The following SUGP1 variants were observed in gnomAD, a reference collection of about 807,000 sequenced individuals.
The protein encoded by SUGP1 is SURP and G-patch domain containing 1, also known as SURP and G-patch domain-containing protein 1.
A neutral mutation model predicts 76.5 loss-of-function variants in SUGP1; 34 were observed. That is an observed-to-expected ratio of 0.44 (90% confidence interval 0.34 to 0.59). SUGP1 has a LOEUF of 0.59. Among genes scored for constraint, SUGP1 ranks in the 20% least tolerant of loss-of-function variants. The probability of loss-of-function intolerance (pLI) is 0.01; values close to 1 mark genes in which losing one functional copy is unlikely to be tolerated. For synonymous variants in SUGP1, 326 were observed against 326.2 expected (o/e 1.00, Z 0.01); for missense variants, 752 against 851.7 (o/e 0.88, Z 1.46).
At chr19:19,309,638 C>G (rs1217345639) in intron 3 of SUGP1, among the ~76,000 whole-genome samples, 1 of 151,930 alleles carries the variant, frequency 6.6e-6, no homozygotes, top group Non-Finnish European at 1.5e-5. Context: ...AGGCCGGGCA[C>G]AGTGGCTCAC....
In SUGP1 at chr19:19,279,339, T is replaced by A; in HGVS notation, c.1402A>T (p.Met468Leu). The A allele has an allele frequency of 6.2e-7, 1 of 1,610,782 alleles. No individual in the cohort carries two copies. The highest frequency in any genetic ancestry group is 8.5e-7 in the Non-Finnish European group (1 of 1,179,834). ...IMQHKRAMQD[M>L]QLLWEKAVQQ... ...ACTGCCTTCTCCCACAGCAGCTGCA[T>A]GTCCTGCATGGCCCGCTTGTGCTGC... The change falls in exon 10 of 14, where the codon ATG (methionine) becomes TTG (leucine). Residue 468 changes from methionine to leucine, a missense_variant. By Grantham distance (15) the Met-to-Leu change is conservative. Around this residue, in one of 2 missense-constraint regions of SUGP1, gnomAD observed 620 missense variants for 617.3 expected, o/e 1.00. Transcript: ENST00000247001.
At chr19:19,290,566 C>G (rs957349433) in intron 8 of SUGP1, among the ~76,000 whole-genome samples, 30 of 151,830 alleles carry the variant, frequency 2.0e-4, no homozygotes, top group Non-Finnish European at 3.5e-4. Flanking sequence ...ATCACTTGAA[C>G]CTGGTAGGCA....
chr19:19,290,581 T>C (rs2061173857), intron 8 of SUGP1, among the ~76,000 whole-genome samples: 1 of 151,794 alleles, frequency 6.6e-6, no homozygotes, highest in Non-Finnish European at 1.5e-5. Flanking sequence ...TAGGCAGAGG[T>C]TGCAGTAAGC....
At chr19:19,287,026 G>A (rs28857503) in intron 8 of SUGP1, among the ~76,000 whole-genome samples, 5,402 of 152,228 alleles carry the variant, frequency 0.035, 311 homozygotes, top group African/African-American at 0.12. Flanking sequence ...TGTAATCCCA[G>A]TACTTTGGAA....
At chr19:19,305,594 GT>G (rs1377791918) in intron 4 of SUGP1, 1 of 414,410 alleles carries the variant, frequency 2.4e-6, no homozygotes, top group Admixed American at 4.1e-5. Flanking sequence ...ATGAGCCGCT[GT>G]GTGAGTGGAA....
At chr19:19,276,866 GAGGA>G in intron 13 of SUGP1, 77 bp downstream of exon 13, 2 of 1,584,728 alleles carry the variant, frequency 1.3e-6, no homozygotes, top group South Asian at 1.1e-5. Flanking sequence ...TGGCTGGACT[GAGGA>G]AGGAAGGGAG....
At chr19:19,299,809 A>C (rs1456374582) in intron 7 of SUGP1, among the ~76,000 whole-genome samples, 2 of 148,102 alleles carry the variant, frequency 1.4e-5, no homozygotes, top group African/African-American at 2.5e-5. Flanking sequence ...TTTGTTTTTC[A>C]AGATGGAGTT....
intron 1 of SUGP1, among the ~76,000 whole-genome samples, 190 bp downstream of exon 1, chr19:19,320,273 A>AAG (rs966070008): frequency 5.3e-5 from 8 of 152,222 alleles, no homozygotes; most frequent in African/African-American, 1.9e-4. Context: ...TCAGCAAACC[A>AAG]AGCGGGGGCG....
rs756769705 is a variant in SUGP1, at chr19:19,306,024, A to G, written c.363T>C (p.Ala121=). 2 of 1,611,342 alleles carry G rather than the reference A, an allele frequency of 1.2e-6. No homozygotes were observed. Among genetic ancestry groups the G allele is most frequent in the South Asian group, 2.2e-5 (2 of 90,932 alleles). Residue 121 remains alanine, a synonymous_variant, in exon 4 of 14, where the codon GCT becomes GCC. Coordinates refer to ENST00000247001, the MANE Select transcript of SUGP1 (RefSeq NM_172231.4). ...TGCTGATGAGCAGGGACCTCTTCCC[A>G]GCGCTGGGGGTGGGTGTGCTGGGAG... ...SAPPSTPTPS[A]GKRSLLISRR...
chr19:19,302,580 C>T, intron 6 of SUGP1, 192 bp from the exon 7 acceptor site: 1 of 747,990 alleles, frequency 1.3e-6, no homozygotes. Flanking sequence ...CCACCCCCGA[C>T]CCCCGCCCCG....
In SUGP1 at chr19:19,302,295, A is replaced by G; in HGVS notation, c.857T>C (p.Leu286Pro). The change falls in exon 7 of 14, where the codon CTC (leucine) becomes CCC (proline). Residue 286 changes from leucine to proline, a missense_variant. This residue lies in a region of SUGP1 where 620 missense variants were observed against 617.3 expected (regional missense o/e 1.00). Coordinates refer to ENST00000247001, the MANE Select transcript of SUGP1 (RefSeq NM_172231.4). Reference sequence around the variant, plus strand: ...TGCCTGGTTCTCACGGTTGTTCTGGAGGGCAATGGTTTCCACCTCGGGACC... The same window carrying G: ...TGCCTGGTTCTCACGGTTGTTCTGGGGGGCAATGGTTTCCACCTCGGGACC... Reference protein sequence around the residue: ...DGGPEVETIALQNNRENQAFS... With the variant: ...DGGPEVETIAPQNNRENQAFS... 1 of 1,614,136 alleles carries G rather than the reference A, an allele frequency of 6.2e-7. No homozygotes were observed. Among genetic ancestry groups the G allele is most frequent in the Non-Finnish European group, 8.5e-7 (1 of 1,180,000 alleles).
chr19:19,292,002 G>C (rs2061188570), intron 8 of SUGP1, among the ~76,000 whole-genome samples: 1 of 151,920 alleles, frequency 6.6e-6, no homozygotes, highest in Non-Finnish European at 1.5e-5. Flanking sequence ...GCCGCGTGCA[G>C]TGATTCATGC....
chr19:19,310,160 A>C lies in SUGP1; in HGVS notation c.247T>G (p.Phe83Val). 6.2e-7 allele frequency: 1 copy of C among 1,613,788 alleles called. No individual in the cohort carries two copies. The highest frequency in any genetic ancestry group is 2.2e-5 in the East Asian group (1 of 44,872). Residue 83 changes from phenylalanine to valine, a missense_variant, in exon 3 of 14, where the codon TTT becomes GTT. By Grantham distance (50) the Phe-to-Val change is conservative. Coordinates refer to ENST00000247001, the MANE Select transcript of SUGP1 (RefSeq NM_172231.4). The part of the protein sequence containing the change: ...AHNSSCISNK[F>V]ANDGSFLQQF... ...TGCAAGAAGCTACCATCGTTGGCAA[A>C]CTTGTTGGAAATGCAGGAAGAGTTG...
At chr19:19,279,428 C>A in intron 9 of SUGP1, 38 bp from the exon 10 acceptor site, 1 of 1,546,368 alleles carries the variant, frequency 6.5e-7, no homozygotes, top group Non-Finnish European at 8.7e-7. Flanking sequence ...GGGCACGGTG[C>A]TGTGGCCTGC....
In SUGP1 at chr19:19,283,362, T is replaced by A. The variant is rs578032565; in HGVS notation, c.1244-3071A>T. On this transcript the variant is annotated intron_variant, in intron 8 of 13. Transcript: ENST00000247001. ...GCTCACTGCAACCTCCGCCTCCACC[T>A]CCCGGGTTCAAACAAATTCTCCTGC... Among the ~76,000 whole-genome samples the A allele has an allele frequency of 9.9e-5, 15 of 151,622 alleles. No homozygotes were observed. The South Asian group carries it at 2.7e-3, about 28-fold the overall frequency.
intron 8 of SUGP1, among the ~76,000 whole-genome samples, chr19:19,291,889 T>A (rs369223671): frequency 1.1e-3 from 140 of 128,708 alleles, no homozygotes; most frequent in Middle Eastern, 3.9e-3. Context: ...TGAGACTCTG[T>A]CACACACACA....
chr19:19,295,490 G>C (rs2061217874), intron 8 of SUGP1, among the ~76,000 whole-genome samples: 1 of 151,100 alleles, frequency 6.6e-6, no homozygotes, highest in Non-Finnish European at 1.5e-5. Context: ...TGTAGTCCCA[G>C]CTACTTGGGA....
chr19:19,316,517 C>T lies in SUGP1; in HGVS notation c.111G>A (p.Glu37=). The T allele has an allele frequency of 1.2e-6, 2 of 1,613,950 alleles. No homozygotes were observed. The highest frequency in any genetic ancestry group is 1.7e-6 in the Non-Finnish European group (2 of 1,180,026). ...KMNMNILHQE[E]LIAQKKREIE... ...TTTCCCGTTTCTTCTGAGCGATGAG[C>T]TCTTCCTGGTGAAGGATGTTCATGT... Residue 37 remains glutamate, a synonymous_variant, in exon 2 of 14, where the codon GAG becomes GAA. Coordinates refer to ENST00000247001, the MANE Select transcript of SUGP1 (RefSeq NM_172231.4).
rs148310976 is a variant in SUGP1 at position 19,295,297 on chromosome 19, G to A, written c.1243+1692C>T. Among the ~76,000 whole-genome samples, 1,115 of 152,162 alleles carry A rather than the reference G, an allele frequency of 7.3e-3. 7 individuals are homozygous for A. The highest frequency in any genetic ancestry group is 0.013 in the Non-Finnish European group (863 of 67,996). On this transcript the variant is annotated intron_variant, in intron 8 of 13. Coordinates refer to ENST00000247001, the MANE Select transcript of SUGP1 (RefSeq NM_172231.4). ...CCAGATACTCAGGAGGCTAAGGCAG[G>A]AGAATTCGCTTGAACCTGGGAGGTG...
Sources: allele counts gnomAD v4.1 joint callset (sites outside exome capture counted in the v4.1 genomes callset), GRCh38; gene constraint gnomAD v4.1.1; regional missense constraint gnomAD v4.1.1; transcripts MANE v1.5; gene names NCBI Gene and HGNC (gene_info 2026-07-23, HGNC 2026-07-21).